Variants in LRP2BP observed in about 807,000 individuals in gnomAD.
LRP2BP encodes the protein LRP2-binding protein.
LRP2BP carries 38 observed loss-of-function variants against 45.2 expected under a neutral mutation model. That is an observed-to-expected ratio of 0.84 (90% CI 0.65 to 1.10). The LOEUF is 1.10. Among genes scored for constraint, LRP2BP ranks in the 50% least tolerant of loss-of-function variants. The pLI, the probability that LRP2BP is intolerant of heterozygous loss-of-function variation, is 0.00. For synonymous variants in LRP2BP, 153 were observed against 153.9 expected, an observed-to-expected ratio of 0.99 and a Z score of 0.04; for missense variants, 385 against 418.9, an observed-to-expected ratio of 0.92 and a Z score of 0.71.
rs560952677 is a variant in LRP2BP, at chr4:185,370,545, G to A, written c.978+95C>T. On this transcript the variant is annotated intron_variant, in intron 8 of 8. Coordinates refer to ENST00000505916, the MANE Select transcript of LRP2BP (RefSeq NM_001377440.1). Reference sequence around the variant, plus strand: ...CAGAGGTTATCTGCACAGTAATTGAGTAGAAAAAACACTAATCCGTAAAAC... The same window carrying A: ...CAGAGGTTATCTGCACAGTAATTGAATAGAAAAAACACTAATCCGTAAAAC... The A allele has an allele frequency of 4.1e-5, 53 of 1,288,820 alleles. No homozygotes were observed. The South Asian group carries it at 6.6e-4, about 16-fold the overall frequency. 79.8% of individuals were successfully genotyped at this position (1,288,820 alleles called of 1,614,324 possible).
Position 185,392,599 on chromosome 4 carries a change from G to GT in LRP2BP, c.-22+2179dup, listed in dbSNP as rs2095491056. Among the ~76,000 whole-genome samples the GT allele has an allele frequency of 2.7e-5, 4 of 150,390 alleles. No homozygotes were observed. In the South Asian group the frequency reaches 8.4e-4, roughly 32 times the overall value. ...TTCAAGTCATCTTAAATCTGTAGAT[G>GT]TTTAAAAAAAAAAACTTAAAAAAAA... On this transcript the variant is annotated intron_variant, in intron 1 of 8. Transcript: ENST00000505916.
intron 8 of LRP2BP, 97 bp downstream of exon 8, chr4:185,370,543 G>T: frequency 1.6e-6 from 2 of 1,252,138 alleles, no homozygotes; most frequent in Non-Finnish European, 1.1e-6. Context: ...CACAGTAATT[G>T]AGTAGAAAAA....
In LRP2BP at chr4:185,395,106, C is replaced by T; in HGVS notation, c.-349G>A. ...GAGATACAACTTTTTTTTCTGAAAA[C>T]AATGTGAGCAATGGACAGGTACGCT... is the stretch of plus-strand genomic sequence containing the variant. On this transcript the variant is annotated 5_prime_UTR_variant, in exon 1 of 9. Coordinates refer to ENST00000505916, the MANE Select transcript of LRP2BP (RefSeq NM_001377440.1). 1.0e-6 allele frequency: 1 copy of T among 984,848 alleles called. No homozygotes were observed. Among genetic ancestry groups the T allele is most frequent in the Non-Finnish European group, 1.2e-6 (1 of 829,794 alleles). 61.0% of individuals were successfully genotyped at this position (984,848 alleles called of 1,614,324 possible).
chr4:185,373,183 A>G, intron 6 of LRP2BP, 104 bp from the exon 7 acceptor site: 1 of 1,049,164 alleles, frequency 9.5e-7, no homozygotes, highest in African/African-American at 1.6e-5. Flanking sequence ...TAGCACTATT[A>G]ATCATCTCTA....
intron 1 of LRP2BP, among the ~76,000 whole-genome samples, chr4:185,393,768 G>A (rs1261539476): frequency 6.6e-6 from 1 of 151,380 alleles, no homozygotes; most frequent in African/African-American, 2.4e-5. Context: ...TCAGGCGATC[G>A]GCCTGCCTCA....
In LRP2BP at chr4:185,394,980, TATTGTCCCCC is replaced by T. The variant is rs1421201908; in HGVS notation, c.-233_-224del. 2.6e-5 allele frequency: 26 copies of T among 985,516 alleles called. No individual in the cohort carries two copies. In the African/African-American group the frequency reaches 4.5e-4, roughly 17 times the overall value. The allele number at this position is 985,516 out of a possible 1,614,324, so 61.0% of individuals were successfully genotyped here. On this transcript the variant is annotated 5_prime_UTR_variant, in exon 1 of 9. It removes the in-frame stop codon of an upstream open reading frame in the 5' UTR. Transcript: ENST00000505916. ...AAACTCCAGTTACTTGCCAGTAAGA[TATTGTCCCCC>T]AAATGTACTTATCCTGTTTTTGTGC...
chr4:185,397,188 G>A, upstream of LRP2BP: 1 of 1,613,816 alleles, frequency 6.2e-7, no homozygotes, highest in East Asian at 2.2e-5. Flanking sequence ...CAGGGGCCTC[G>A]GTCAACGCAC....
At chr4:185,371,257 T>C (rs1051829448) in intron 7 of LRP2BP, among the ~76,000 whole-genome samples, 1 of 152,076 alleles carries the variant, frequency 6.6e-6, no homozygotes, top group African/African-American at 2.4e-5. Context: ...AATAGACAAT[T>C]GGCTGGGCGC....
At chr4:185,386,655 A>G (rs542142078) in intron 1 of LRP2BP, among the ~76,000 whole-genome samples, 1 of 152,264 alleles carries the variant, frequency 6.6e-6, no homozygotes, top group East Asian at 1.9e-4. Flanking sequence ...TCCTGGCCCA[A>G]ACTTTTGGCT....
upstream of LRP2BP, chr4:185,396,804 C>A: frequency 8.9e-7 from 1 of 1,124,270 alleles, no homozygotes; most frequent in South Asian, 1.3e-5. Flanking sequence ...CCGGAAGTCC[C>A]AGCGGTCTTT....
intron 8 of LRP2BP, among the ~76,000 whole-genome samples, chr4:185,369,374 T>TG (rs2126781244): frequency 1.1e-5 from 1 of 91,286 alleles, no homozygotes; most frequent in Non-Finnish European, 2.3e-5. Flanking sequence ...CACATTGCCA[T>TG]GCCTGGCTAA....
intron 1 of LRP2BP, chr4:185,378,648 G>T: frequency 1.0e-6 from 1 of 987,524 alleles, no homozygotes; most frequent in Non-Finnish European, 1.2e-6. Context: ...TTTTACCTGG[G>T]AATACACTTT....
intron 1 of LRP2BP, among the ~76,000 whole-genome samples, chr4:185,392,841 T>C (rs187310128): frequency 6.6e-6 from 1 of 152,374 alleles, no homozygotes; most frequent in Admixed American, 6.5e-5. Flanking sequence ...TATTCAGAAA[T>C]GCTTGATGCG....
intron 1 of LRP2BP, chr4:185,378,620 A>G: frequency 1.0e-6 from 1 of 989,986 alleles, no homozygotes; most frequent in Non-Finnish European, 1.2e-6. Flanking sequence ...ATCCATTTCA[A>G]ATTAAAGCAC....
At position 185,383,354 on chromosome 4, in the gene LRP2BP, C is replaced by A. The variant is rs147563576; in HGVS notation, c.-21-5147G>T. Among the ~76,000 whole-genome samples the A allele has an allele frequency of 1.7e-4, 26 of 152,250 alleles. No homozygotes were observed. The East Asian group carries it at 4.1e-3, about 24-fold the overall frequency. On this transcript the variant is annotated intron_variant, in intron 1 of 8. Coordinates refer to ENST00000505916, the MANE Select transcript of LRP2BP (RefSeq NM_001377440.1). The stretch of plus-strand genomic sequence containing the variant: ...AATTAGCCAGGTGTGGTGGTGCACA[C>A]CTATAGTCCTAGCTACTCAGGAGGC...
chr4:185,379,812 T>TTCTCTC (rs34458591), intron 1 of LRP2BP, among the ~76,000 whole-genome samples: 2,200 of 149,786 alleles, frequency 0.015, 60 homozygotes, highest in African/African-American at 0.051. Flanking sequence ...ACCTGCGCAC[T>TTCTCTC]TCTCTCTCTC....
At chr4:185,390,314 C>G (rs2095484723) in intron 1 of LRP2BP, among the ~76,000 whole-genome samples, 1 of 151,996 alleles carries the variant, frequency 6.6e-6, no homozygotes, top group African/African-American at 2.4e-5. Context: ...AGTTCAAGAC[C>G]AGCCTGACCA....
At chr4:185,392,996 C>T (rs571611435) in intron 1 of LRP2BP, among the ~76,000 whole-genome samples, 78 of 152,304 alleles carry the variant, frequency 5.1e-4, no homozygotes, top group African/African-American at 1.6e-3. Flanking sequence ...TGCAGTGGCA[C>T]GATCTCGGCT....
intron 1 of LRP2BP, among the ~76,000 whole-genome samples, chr4:185,385,837 G>C (rs1297248093): frequency 1.3e-5 from 2 of 148,660 alleles, no homozygotes; most frequent in East Asian, 4.0e-4. Context: ...GAAGGTGGAG[G>C]TTGCAGTGAG....
Sources: allele counts gnomAD v4.1 joint callset (sites outside exome capture counted in the v4.1 genomes callset), GRCh38; gene constraint gnomAD v4.1.1; transcripts MANE v1.5; gene names NCBI Gene and HGNC (gene_info 2026-07-23, HGNC 2026-07-21).